Variants in SELENOT observed in about 807,000 individuals in gnomAD.
The protein encoded by SELENOT is selenoprotein T.
In SELENOT, 9 loss-of-function variants were observed where a neutral mutation model predicts 24.3. The ratio of observed to expected loss-of-function variants is 0.37; its 90% confidence interval spans 0.22 to 0.65. SELENOT has a LOEUF of 0.65. SELENOT is among the 30% of genes least tolerant of loss of function. The probability of loss-of-function intolerance (pLI) is 0.60; values close to 1 mark genes in which losing one functional copy is unlikely to be tolerated. For missense variants in SELENOT, 166 were observed against 247.6 expected, an observed-to-expected ratio of 0.67 and a Z score of 2.21; for synonymous variants, 81 against 86.0, an observed-to-expected ratio of 0.94 and a Z score of 0.32.
Position 150,629,680 on chromosome 3 carries a change from A to AT in SELENOT, c.*2052dup, listed in dbSNP as rs1321154643. On this transcript the variant is annotated 3_prime_UTR_variant, in exon 6 of 6. Coordinates refer to ENST00000471696, the MANE Select transcript of SELENOT (RefSeq NM_016275.5). ...ATAGCTTTAAGTGGCTTAGACACTG[A>AT]TAAAATTCAGCTGTGTTGTTGACGC... is the stretch of plus-strand genomic sequence containing the variant. The AT allele has an allele frequency of 2.0e-5, 3 of 152,638 alleles. No individual in the cohort carries two copies. The highest frequency in any genetic ancestry group is 7.2e-5 in the African/African-American group (3 of 41,468). 9.5% of individuals were successfully genotyped at this position (152,638 alleles called of 1,614,324 possible).
chr3:150,603,322 C>CA lies in SELENOT; in HGVS notation c.-40dup, dbSNP rs1725884819. On this transcript the variant is annotated 5_prime_UTR_variant, in exon 1 of 6. Coordinates refer to ENST00000471696, the MANE Select transcript of SELENOT (RefSeq NM_016275.5). The stretch of plus-strand genomic sequence containing the variant: ...TCGCTCCTGGGCTTTGGGCTGGCTG[C>CA]AGTCTGTCTGAGGGCGGCCGAAGTG... 1 of 1,591,174 alleles carries CA rather than the reference C, an allele frequency of 6.3e-7. No individual in the cohort carries two copies. Among genetic ancestry groups the CA allele is most frequent in the African/African-American group, 1.3e-5 (1 of 74,426 alleles).
rs1400148374 is a variant in SELENOT at position 150,627,921 on chromosome 3, A to T, written c.*292A>T. On this transcript the variant is annotated 3_prime_UTR_variant, in exon 6 of 6. Transcript: ENST00000471696. ...TGTGTGTTTTTTTTTTAAGGTAAAC[A>T]TTACTACTTGTAACTTTTTTTCTTA... 6.6e-6 allele frequency: 1 copy of T among 152,118 alleles called. No homozygotes were observed. The highest frequency in any genetic ancestry group is 2.1e-4 in the South Asian group (1 of 4,834). 9.4% of individuals were successfully genotyped at this position (152,118 alleles called of 1,614,324 possible). A position where few individuals can be genotyped will look rare whatever the true frequency, so the allele number is the denominator to read the frequency against.
At chr3:150,605,459 T>G (rs906069515) in intron 1 of SELENOT, among the ~76,000 whole-genome samples, 2 of 152,106 alleles carry the variant, frequency 1.3e-5, no homozygotes, top group Non-Finnish European at 2.9e-5. Context: ...AAAAAAAAAG[T>G]AGTAAGTACT....
intron 1 of SELENOT, chr3:150,611,983 C>A: frequency 1.7e-6 from 1 of 577,362 alleles, no homozygotes; most frequent in Non-Finnish European, 2.9e-6. Flanking sequence ...TGGCAGAACA[C>A]CAACTGGGCC....
At chr3:150,606,791 C>T (rs1725975904) in intron 1 of SELENOT, among the ~76,000 whole-genome samples, 1 of 152,136 alleles carries the variant, frequency 6.6e-6, no homozygotes. Context: ...CGGGGTTTCA[C>T]CATGTTGGCC....
intron 1 of SELENOT, chr3:150,611,463 TA>T: frequency 8.4e-7 from 1 of 1,186,588 alleles, no homozygotes; most frequent in Non-Finnish European, 1.3e-6. Context: ...TATTTACTTG[TA>T]ATTGGTATAA....
At position 150,611,920 on chromosome 3, in the gene SELENOT, TCTC is replaced by T. The variant is rs1231872220; in HGVS notation, c.137+8424_137+8426del. 7.2e-6 allele frequency: 7 copies of T among 965,700 alleles called. No individual in the cohort carries two copies. In the East Asian group the frequency reaches 1.3e-4, roughly 18 times the overall value. 59.8% of individuals were successfully genotyped at this position (965,700 alleles called of 1,614,324 possible). ...TACCGGCGCTGACAGAAATCCCCAC[TCTC>T]CTGGCCGCTCCGTCGGCGGCAGTTC... On this transcript the variant is annotated intron_variant, in intron 1 of 5. Transcript: ENST00000471696.
At position 150,627,854 on chromosome 3, in the gene SELENOT, T is replaced by C. The variant is rs1255973919; in HGVS notation, c.*225T>C. On this transcript the variant is annotated 3_prime_UTR_variant, in exon 6 of 6. Transcript: ENST00000471696. Reference sequence around the variant, plus strand: ...ATTCATGGAGTGCAATAATACTGTATAGCTTTCCCCACCTCCCACAAAATC... The same window carrying C: ...ATTCATGGAGTGCAATAATACTGTACAGCTTTCCCCACCTCCCACAAAATC... 1 of 152,296 alleles carries C rather than the reference T, an allele frequency of 6.6e-6. No individual in the cohort carries two copies. Among genetic ancestry groups the C allele is most frequent in the African/African-American group, 2.4e-5 (1 of 41,422 alleles). The allele number at this position is 152,296 out of a possible 1,614,324, so 9.4% of individuals were successfully genotyped here.
chr3:150,617,539 T>C (rs1726243810), intron 1 of SELENOT, among the ~76,000 whole-genome samples: 1 of 152,148 alleles, frequency 6.6e-6, no homozygotes, highest in South Asian at 2.1e-4. Context: ...TATCTTGTAC[T>C]TTTACCTGTT....
chr3:150,621,438 A>G (rs1726342239), intron 1 of SELENOT, among the ~76,000 whole-genome samples: 1 of 152,004 alleles, frequency 6.6e-6, no homozygotes, highest in African/African-American at 2.4e-5. Flanking sequence ...ACTGTAACTT[A>G]ATTACTGACC....
In SELENOT at chr3:150,630,428, T is replaced by C. The variant is rs944563171; in HGVS notation, c.*2799T>C. On this transcript the variant is annotated 3_prime_UTR_variant, in exon 6 of 6. Coordinates refer to ENST00000471696, the MANE Select transcript of SELENOT (RefSeq NM_016275.5). ...GTAGCATTGTGAAAATAAACTTTGA[T>C]TAAGCTGATTTGAAAGGAACTCCTA... The C allele has an allele frequency of 6.6e-6, 1 of 152,202 alleles. No individual in the cohort carries two copies. Among genetic ancestry groups the C allele is most frequent in the Non-Finnish European group, 1.5e-5 (1 of 68,014 alleles). The allele number at this position is 152,202 out of a possible 1,614,324, so 9.4% of individuals were successfully genotyped here. A position where few individuals can be genotyped will look rare whatever the true frequency, so the allele number is the denominator to read the frequency against.
chr3:150,622,160 A>G (rs1336425970), intron 1 of SELENOT, among the ~76,000 whole-genome samples: 1 of 151,822 alleles, frequency 6.6e-6, no homozygotes, highest in African/African-American at 2.4e-5. Flanking sequence ...ACTGGCATAT[A>G]TAAAGTTTAA....
rs752958937 is a variant in SELENOT, at chr3:150,622,426, G to A, written c.179G>A (p.Arg60Gln). ...AGGCGGGTGTTTGAGGAGTACATGC[G>A]GGTTATTAGCCAGCGGTACCCAGAC... Reference protein sequence around the residue: ...GYRRVFEEYMRVISQRYPDIR... With the variant: ...GYRRVFEEYMQVISQRYPDIR... Residue 60 changes from arginine (R) to glutamine (Q), a missense_variant, in exon 2 of 6, where the codon CGG becomes CAG. Arg to Gln is a conservative substitution (Grantham distance 43). Coordinates refer to ENST00000471696, the MANE Select transcript of SELENOT (RefSeq NM_016275.5). 1.7e-5 allele frequency: 26 copies of A among 1,495,494 alleles called. No individual in the cohort carries two copies. In the South Asian group the frequency reaches 2.0e-4, roughly 11 times the overall value. The allele number at this position is 1,495,494 out of a possible 1,614,324, so 92.6% of individuals were successfully genotyped here.
chr3:150,620,940 T>C (rs963518383), intron 1 of SELENOT, among the ~76,000 whole-genome samples: 1 of 152,230 alleles, frequency 6.6e-6, no homozygotes, highest in Non-Finnish European at 1.5e-5. Context: ...AGAATATTAA[T>C]ATGTGATGAA....
intron 1 of SELENOT, among the ~76,000 whole-genome samples, chr3:150,611,004 C>CGTGTGTGTGTGTGTGT (rs113532087): frequency 7.5e-4 from 109 of 145,504 alleles, no homozygotes; most frequent in East Asian, 4.4e-3. Context: ...CATCATGAGT[C>CGTGTGTGTGTGTGTGT]GTGTGTGTGT....
chr3:150,622,075 G>T (rs1378894910), intron 1 of SELENOT, among the ~76,000 whole-genome samples: 2 of 151,186 alleles, frequency 1.3e-5, no homozygotes. Context: ...GGTATTTGCT[G>T]TTGTCCAACA....
chr3:150,622,314 G>A, intron 1 of SELENOT, 71 bp from the exon 2 acceptor site: 1 of 642,064 alleles, frequency 1.6e-6, no homozygotes. Context: ...TAATTTTTAG[G>A]CTTTAACTAA....
chr3:150,626,567 A>G (rs946987705), intron 4 of SELENOT, among the ~76,000 whole-genome samples: 1 of 151,760 alleles, frequency 6.6e-6, no homozygotes, highest in Non-Finnish European at 1.5e-5. Flanking sequence ...CCTCTTCTAT[A>G]TTTCCCTCAG....
intron 1 of SELENOT, among the ~76,000 whole-genome samples, chr3:150,606,485 A>G (rs992618202): frequency 1.3e-5 from 2 of 152,228 alleles, no homozygotes; most frequent in Non-Finnish European, 2.9e-5. Flanking sequence ...ATTGAGCAAT[A>G]TAATTAGATA....
Sources: allele counts gnomAD v4.1 joint callset (sites outside exome capture counted in the v4.1 genomes callset), GRCh38; gene constraint gnomAD v4.1.1; transcripts MANE v1.5; gene names NCBI Gene and HGNC (gene_info 2026-07-23, HGNC 2026-07-21).